The following CMTM6 variants were observed in gnomAD, a reference collection of about 807,000 sequenced individuals.
CMTM6 encodes the protein CKLF-like MARVEL transmembrane domain-containing protein 6.
A neutral mutation model predicts 13.6 loss-of-function variants in CMTM6; 5 were observed. That is an observed-to-expected ratio of 0.37 (90% CI 0.19 to 0.77). The LOEUF (loss-of-function observed/expected upper bound fraction) is 0.77, where lower values mean the gene tolerates loss of function less well. Ranked by LOEUF, CMTM6 falls within the 30% of genes least tolerant of loss-of-function variation. CMTM6 has a pLI of 0.50. For synonymous variants in CMTM6, 99 were observed against 84.5 expected, an observed-to-expected ratio of 1.17 and a Z score of -0.94; for missense variants, 196 against 218.6, an observed-to-expected ratio of 0.90 and a Z score of 0.65.
intron 1 of CMTM6, among the ~76,000 whole-genome samples, chr3:32,502,376 GT>G (rs1474227550): frequency 3.9e-5 from 6 of 152,252 alleles, no homozygotes; most frequent in Admixed American, 6.5e-5. Context: ...AACAGGCTGG[GT>G]GGCCCCAGTT....
chr3:32,487,561 T>C lies in CMTM6; in HGVS notation c.414+377A>G, dbSNP rs369027002. On this transcript the variant is annotated intron_variant, in intron 3 of 3. Transcript: ENST00000205636. ...AATTTTACTTTTCCGTCTCCTTTTC[T>C]AGACTGAGTCTCTGAATCATTTCTC... 3.9e-5 allele frequency among the ~76,000 whole-genome samples: 6 copies of C among 152,324 alleles called. No individual in the cohort carries two copies. In the South Asian group the frequency reaches 1.2e-3, roughly 32 times the overall value.
intron 2 of CMTM6, among the ~76,000 whole-genome samples, chr3:32,489,467 AT>A (rs1379395771): frequency 6.6e-6 from 1 of 151,908 alleles, no homozygotes; most frequent in Non-Finnish European, 1.5e-5. Flanking sequence ...CATGGCCAAC[AT>A]GGTGAAACCC....
intron 1 of CMTM6, among the ~76,000 whole-genome samples, chr3:32,493,337 G>A (rs1056606787): frequency 6.6e-6 from 1 of 152,184 alleles, no homozygotes; most frequent in Non-Finnish European, 1.5e-5. Flanking sequence ...TCAATTACAC[G>A]CAAGTGGGTT....
chr3:32,502,399 G>A (rs1024166721), intron 1 of CMTM6, among the ~76,000 whole-genome samples: 1 of 152,254 alleles, frequency 6.6e-6, no homozygotes, highest in Non-Finnish European at 1.5e-5. Flanking sequence ...GTGGGATCCC[G>A]ATGGGGAGAG....
At position 32,481,716 on chromosome 3, in the gene CMTM6, A is replaced by G. The variant is rs1259656974; in HGVS notation, c.*2244T>C. 1 of 152,252 alleles carries G rather than the reference A, an allele frequency of 6.6e-6. No homozygotes were observed. The allele number at this position is 152,252 out of a possible 1,614,324, so 9.4% of individuals were successfully genotyped here. A position where few individuals can be genotyped will look rare whatever the true frequency, so the allele number is the denominator to read the frequency against. The stretch of plus-strand genomic sequence containing the variant: ...TTTATTTCCTTCTACAATAGAAAAG[A>G]AAGGCTAACCATTCATGGGTCCCAT... On this transcript the variant is annotated 3_prime_UTR_variant, in exon 4 of 4. Coordinates refer to ENST00000205636, the MANE Select transcript of CMTM6 (RefSeq NM_017801.3).
chr3:32,485,840 T>C (rs1416054497), intron 3 of CMTM6, among the ~76,000 whole-genome samples: 1 of 152,260 alleles, frequency 6.6e-6, no homozygotes, highest in African/African-American at 2.4e-5. Context: ...GCAGTTTTAA[T>C]GATGTATTAG....
chr3:32,498,968 ACTT>A (rs1421026701), intron 1 of CMTM6, among the ~76,000 whole-genome samples: 5 of 152,192 alleles, frequency 3.3e-5, no homozygotes, highest in African/African-American at 1.2e-4. Context: ...ACAGTCTACT[ACTT>A]ATATTTTATA....
chr3:32,494,076 A>C (rs1475213566), intron 1 of CMTM6, among the ~76,000 whole-genome samples: 1 of 152,222 alleles, frequency 6.6e-6, no homozygotes, highest in East Asian at 1.9e-4. Context: ...ACTTAGGCAG[A>C]AACCAGTAAG....
intron 1 of CMTM6, among the ~76,000 whole-genome samples, chr3:32,492,152 G>C (rs2125657585): frequency 6.6e-6 from 1 of 152,204 alleles, no homozygotes; most frequent in East Asian, 1.9e-4. Context: ...GCACACAGGA[G>C]AGACGCTCAA....
intron 1 of CMTM6, among the ~76,000 whole-genome samples, chr3:32,492,360 A>G (rs1697256904): frequency 6.6e-6 from 1 of 152,230 alleles, no homozygotes; most frequent in South Asian, 2.1e-4. Context: ...CTTAACTGTC[A>G]AAGTGAGTCA....
intron 3 of CMTM6, among the ~76,000 whole-genome samples, chr3:32,486,029 C>A (rs1475197574): frequency 4.6e-5 from 7 of 152,170 alleles, no homozygotes; most frequent in Non-Finnish European, 1.5e-5. Context: ...AGGCGCCTGC[C>A]ACCATGCCCG....
At chr3:32,497,487 A>T (rs942252022) in intron 1 of CMTM6, among the ~76,000 whole-genome samples, 1 of 151,326 alleles carries the variant, frequency 6.6e-6, no homozygotes. Context: ...GAGGGGTGGG[A>T]AAGTGGTTTT....
In CMTM6 at chr3:32,497,281, A is replaced by T. The variant is rs1450299395; in HGVS notation, c.138+5327T>A. Among the ~76,000 whole-genome samples the T allele has an allele frequency of 4.0e-5, 6 of 149,322 alleles. No individual in the cohort carries two copies. In the South Asian group the frequency reaches 6.5e-4, roughly 16 times the overall value. Reference sequence around the variant, plus strand: ...GCGCCTGTAGTCCCAGCTACTCGGGAGGCTGAGGCAGGAGAATGGCGTAAA... The same window carrying T: ...GCGCCTGTAGTCCCAGCTACTCGGGTGGCTGAGGCAGGAGAATGGCGTAAA... On this transcript the variant is annotated intron_variant, in intron 1 of 3. Transcript: ENST00000205636.
At chr3:32,502,510 G>A (rs1575140532) in intron 1 of CMTM6, 98 bp downstream of exon 1, 3 of 1,468,984 alleles carry the variant, frequency 2.0e-6, no homozygotes, top group South Asian at 1.2e-5. Flanking sequence ...TCCTTTTACT[G>A]AACAACCAAG....
At position 32,502,638 on chromosome 3, in the gene CMTM6, C is replaced by A. The variant is rs536210258; in HGVS notation, c.108G>T (p.Leu36Phe). The change falls in exon 1 of 4, where the codon TTG becomes TTT. Residue 36 changes from leucine (L) to phenylalanine (F), a missense_variant. Leu to Phe is a conservative substitution (Grantham distance 22, BLOSUM62 0). This residue lies in a region of CMTM6 where 85 missense variants were observed against 58.7 expected (regional missense o/e 1.45). Transcript: ENST00000205636. ...GCAAGCCCTTGAGAACGCGCCGGAG[C>A]AATGGGAGCCGGCCCATGAAAAAGT... ...AAYFFMGRLP[L>F]LRRVLKGLQL... is the part of the protein sequence containing the mutation. The A allele has an allele frequency of 3.1e-6, 5 of 1,596,490 alleles. No homozygotes were observed. The South Asian group carries it at 5.7e-5, about 18-fold the overall frequency.
intron 1 of CMTM6, among the ~76,000 whole-genome samples, chr3:32,497,857 C>CAA (rs5847769): frequency 2.6e-5 from 3 of 116,834 alleles, no homozygotes; most frequent in East Asian, 5.0e-4. Flanking sequence ...GGCTTCGTCT[C>CAA]AAAAAAAAAA....
chr3:32,486,528 A>G (rs1159579409), intron 3 of CMTM6, among the ~76,000 whole-genome samples: 2 of 152,196 alleles, frequency 1.3e-5, no homozygotes, highest in African/African-American at 4.8e-5. Context: ...GTAATATAGC[A>G]TATGTACAGC....
chr3:32,485,807 T>C (rs1697198367), intron 3 of CMTM6, among the ~76,000 whole-genome samples: 1 of 152,368 alleles, frequency 6.6e-6, no homozygotes, highest in South Asian at 2.1e-4. Flanking sequence ...TCTGAACTCC[T>C]TTTGAGTTTT....
chr3:32,486,001 T>C (rs943763952), intron 3 of CMTM6, among the ~76,000 whole-genome samples: 1 of 152,178 alleles, frequency 6.6e-6, no homozygotes, highest in East Asian at 1.9e-4. Flanking sequence ...CCTCAGCCTC[T>C]CGAGTAGCTG....
Sources: allele counts gnomAD v4.1 joint callset (sites outside exome capture counted in the v4.1 genomes callset), GRCh38; gene constraint gnomAD v4.1.1; regional missense constraint gnomAD v4.1.1; transcripts MANE v1.5; gene names NCBI Gene and HGNC (gene_info 2026-07-23, HGNC 2026-07-21).